Variants in BPNT2 observed in about 807,000 individuals in gnomAD.
BPNT2 encodes the protein Golgi-resident adenosine 3',5'-bisphosphate 3'-phosphatase.
Under a neutral mutation model 29.3 loss-of-function variants are expected in BPNT2, and 11 were observed. That is an observed-to-expected ratio of 0.38 (90% CI 0.24 to 0.62). The LOEUF is 0.62. Among genes scored for constraint, BPNT2 ranks in the 20% least tolerant of loss-of-function variants. The probability of loss-of-function intolerance (pLI) is 0.62; values close to 1 mark genes in which losing one functional copy is unlikely to be tolerated. For missense variants in BPNT2, 459 were observed against 473.4 expected (o/e 0.97, Z 0.28); for synonymous variants, 195 against 187.7 (o/e 1.04, Z -0.32).
In BPNT2 at chr8:56,966,260, CTGAA is replaced by C; in HGVS notation, c.735_738del (p.His245GlnfsTer29). 1 of 1,614,090 alleles carries C rather than the reference CTGAA, an allele frequency of 6.2e-7. No individual in the cohort carries two copies. Among genetic ancestry groups the C allele is most frequent in the Non-Finnish European group, 8.5e-7 (1 of 1,179,962 alleles). ...TGAAGAGCGACCTGTTTGACCATCC[CTGAA>C]TGGGAACGAGACACAACGATCCTTG... On this transcript the variant is annotated frameshift_variant, in exon 4 of 5. Coordinates refer to ENST00000262644, the MANE Select transcript of BPNT2 (RefSeq NM_017813.5). LOFTEE classifies it high-confidence loss of function.
chr8:56,979,784 T>G (rs1442793335), intron 2 of BPNT2, among the ~76,000 whole-genome samples: 1 of 152,202 alleles, frequency 6.6e-6, no homozygotes, highest in East Asian at 1.9e-4. Flanking sequence ...AAATTTACTA[T>G]TTTGAATTCC....
intron 2 of BPNT2, among the ~76,000 whole-genome samples, chr8:56,978,442 T>C (rs1481629168): frequency 6.6e-6 from 1 of 152,124 alleles, no homozygotes; most frequent in Non-Finnish European, 1.5e-5. Flanking sequence ...TATACACTGT[T>C]GGTGGGAGTG....
chr8:56,988,377 G>T (rs1484583810), intron 1 of BPNT2, among the ~76,000 whole-genome samples: 10 of 152,060 alleles, frequency 6.6e-5, no homozygotes, highest in Admixed American at 6.5e-4. Context: ...AATAATTTAG[G>T]CTAGTCACCT....
Position 56,993,328 on chromosome 8 carries a change from C to CGTGGAGGTGCG in BPNT2, c.257_258insCGCACCTCCAC (p.Glu86AspfsTer25). The CGTGGAGGTGCG allele has an allele frequency of 1.9e-6, 3 of 1,611,728 alleles. No homozygotes were observed. The highest frequency in any genetic ancestry group is 2.5e-6 in the Non-Finnish European group (3 of 1,179,936). ...TGGACTTCTCGTGGAGGACGTTGCTCTCGCGGACGCGCCTCACCTCGTCGC... is the reference window on the plus strand; with the variant it reads ...TGGACTTCTCGTGGAGGACGTTGCTCGTGGAGGTGCGTCGCGGACGCGCCTCACCTCGTCGC... On this transcript the variant is annotated frameshift_variant, in exon 1 of 5. Transcript: ENST00000262644. LOFTEE classifies it high-confidence loss of function.
chr8:56,974,343 C>T (rs749493792), intron 3 of BPNT2, among the ~76,000 whole-genome samples: 23 of 152,008 alleles, frequency 1.5e-4, no homozygotes, highest in Non-Finnish European at 2.9e-4. Flanking sequence ...TTATATATTA[C>T]TTCAGTAAAA....
At chr8:56,981,050 T>C (rs904502352) in intron 1 of BPNT2, among the ~76,000 whole-genome samples, 11 of 152,166 alleles carry the variant, frequency 7.2e-5, no homozygotes, top group African/African-American at 2.6e-4. Context: ...TTCCTTGTTG[T>C]GGGGCTGTCC....
chr8:56,980,179 C>A lies in BPNT2; in HGVS notation c.406G>T (p.Val136Leu), dbSNP rs766168164. The A allele has an allele frequency of 1.2e-6, 2 of 1,613,632 alleles. No individual in the cohort carries two copies. Among genetic ancestry groups the A allele is most frequent in the Non-Finnish European group, 1.7e-6 (2 of 1,179,678 alleles). Reference sequence around the variant, plus strand: ...ATAACCTCCTGATCAGCTGCATCCACGTGTTCCTCAGTATTAATCTGCATT... The same window carrying A: ...ATAACCTCCTGATCAGCTGCATCCAAGTGTTCCTCAGTATTAATCTGCATT... ...PSVQINTEEH[V>L]DAADQEVILW... is the part of the protein sequence containing the mutation. The change falls in exon 2 of 5, where the codon GTG becomes TTG. Residue 136 changes from valine (V) to leucine (L), a missense_variant. By Grantham distance (32) the Val-to-Leu change is conservative (BLOSUM62 1). Transcript: ENST00000262644.
intron 1 of BPNT2, among the ~76,000 whole-genome samples, chr8:56,981,143 T>C (rs1806234990): frequency 6.6e-6 from 1 of 152,140 alleles, no homozygotes; most frequent in African/African-American, 2.4e-5. Context: ...CCCTCAGGTG[T>C]GACAAACAAA....
chr8:56,990,741 C>T (rs554861668), intron 1 of BPNT2, among the ~76,000 whole-genome samples: 56 of 152,134 alleles, frequency 3.7e-4, no homozygotes, highest in Middle Eastern at 6.8e-3. Context: ...TGTCTTCCGA[C>T]GTTGTCAAAT....
At chr8:56,989,727 C>G (rs1266313405) in intron 1 of BPNT2, among the ~76,000 whole-genome samples, 1 of 152,128 alleles carries the variant, frequency 6.6e-6, no homozygotes, top group African/African-American at 2.4e-5. Flanking sequence ...TAAATCTGGC[C>G]TTCTTTTAGT....
At chr8:56,969,627 G>A (rs187321243) in intron 3 of BPNT2, among the ~76,000 whole-genome samples, 2,067 of 152,236 alleles carry the variant, frequency 0.014, 18 homozygotes, top group Non-Finnish European at 0.019. Context: ...GGTCAAGGAT[G>A]AAATATGCTA....
Position 56,964,066 on chromosome 8 carries a change from T to G in BPNT2, c.809-2A>C. The G allele has an allele frequency of 6.4e-7, 1 of 1,571,808 alleles. No homozygotes were observed. Among genetic ancestry groups the G allele is most frequent in the Non-Finnish European group, 8.7e-7 (1 of 1,153,872 alleles). On this transcript the variant is annotated splice_acceptor_variant, in intron 4 of 4. Coordinates refer to ENST00000262644, the MANE Select transcript of BPNT2 (RefSeq NM_017813.5). LOFTEE classifies it high-confidence loss of function. ...CCAAAAGTGCTAAAACTTTATAACC[T>G]AAAAGATAAACAAAGAATTTAGGTT...
chr8:56,987,275 GGA>G (rs1435242924), intron 1 of BPNT2, among the ~76,000 whole-genome samples: 2 of 152,192 alleles, frequency 1.3e-5, no homozygotes, highest in African/African-American at 4.8e-5. Context: ...ACTGGATTAT[GGA>G]ATGCCCAGAG....
At chr8:56,991,823 G>GT (rs1417745962) in intron 1 of BPNT2, among the ~76,000 whole-genome samples, 1 of 152,086 alleles carries the variant, frequency 6.6e-6, no homozygotes, top group East Asian at 1.9e-4. Flanking sequence ...AAGGAAACAC[G>GT]TATGTTTTGG....
At position 56,966,337 on chromosome 8, in the gene BPNT2, T is replaced by G; in HGVS notation, c.662A>C (p.Asp221Ala). The change falls in exon 4 of 5, where the codon GAT (aspartate) becomes GCT (alanine). Residue 221 changes from aspartate (D) to alanine (A), a missense_variant. Coordinates refer to ENST00000262644, the MANE Select transcript of BPNT2 (RefSeq NM_017813.5). Reference protein sequence around the residue: ...FSEYTAWAMVDGGSNVKARSS... With the variant: ...FSEYTAWAMVAGGSNVKARSS... Reference sequence around the variant, plus strand: ...GCGGGCTTTCACATTTGAACCACCATCTACCATTGCCCAAGCTGAAAAGCA... The same window carrying G: ...GCGGGCTTTCACATTTGAACCACCAGCTACCATTGCCCAAGCTGAAAAGCA... 6.2e-7 allele frequency: 1 copy of G among 1,613,930 alleles called. No homozygotes were observed. Among genetic ancestry groups the G allele is most frequent in the Non-Finnish European group, 8.5e-7 (1 of 1,179,866 alleles).
At chr8:56,964,992 T>C (rs1412514098) in intron 4 of BPNT2, among the ~76,000 whole-genome samples, 1 of 152,096 alleles carries the variant, frequency 6.6e-6, no homozygotes, top group African/African-American at 2.4e-5. Context: ...GGCAGATATA[T>C]AGAACAGAAA....
chr8:56,988,351 A>G (rs929027893), intron 1 of BPNT2, among the ~76,000 whole-genome samples: 2 of 152,112 alleles, frequency 1.3e-5, no homozygotes, highest in African/African-American at 2.4e-5. Flanking sequence ...CAACTCCTCA[A>G]TTTATTGGGT....
rs1192726578 is a variant in BPNT2 at position 56,959,940 on chromosome 8, AC to A, written c.*3852del. ...CAACTTTTTTTAGATTAAAAATGAA[AC>A]CATAGATTAGGTTTATTTTATACAA... is the stretch of plus-strand genomic sequence containing the variant. On this transcript the variant is annotated 3_prime_UTR_variant, in exon 5 of 5. Coordinates refer to ENST00000262644, the MANE Select transcript of BPNT2 (RefSeq NM_017813.5). 1 of 152,242 alleles carries A rather than the reference AC, an allele frequency of 6.6e-6. No homozygotes were observed. Among genetic ancestry groups the A allele is most frequent in the Non-Finnish European group, 1.5e-5 (1 of 68,048 alleles). The allele number at this position is 152,242 out of a possible 1,614,324, so 9.4% of individuals were successfully genotyped here.
chr8:56,959,802 T>C lies in BPNT2; in HGVS notation c.*3991A>G, dbSNP rs924542906. 4 of 152,324 alleles carry C rather than the reference T, an allele frequency of 2.6e-5. No homozygotes were observed. In the South Asian group the frequency reaches 8.3e-4, roughly 32 times the overall value. 9.4% of individuals were successfully genotyped at this position (152,324 alleles called of 1,614,324 possible). ...TTTAATGAATCTCCCCCAACTATAA[T>C]ATTAAAAACATCAAAAGAACTTAAG... On this transcript the variant is annotated 3_prime_UTR_variant, in exon 5 of 5. Coordinates refer to ENST00000262644, the MANE Select transcript of BPNT2 (RefSeq NM_017813.5).
Sources: gnomAD v4.1 joint callset for allele counts (sites outside exome capture counted in the v4.1 genomes callset) on GRCh38, gnomAD v4.1.1 for gene constraint, MANE v1.5 for transcripts, NCBI Gene and HGNC (gene_info 2026-07-23, HGNC 2026-07-21) for gene names.